FARP1: variants seen among roughly 807,000 people sequenced by gnomAD.
FARP1 encodes the protein FERM, ARHGEF and pleckstrin domain-containing protein 1.
A neutral mutation model predicts 128.8 loss-of-function variants in FARP1; 52 were observed. The ratio of observed to expected loss-of-function variants is 0.40; its 90% CI spans 0.32 to 0.51. The LOEUF is 0.51. Ranked by LOEUF, FARP1 falls within the 20% of genes least tolerant of loss-of-function variation. FARP1 has a pLI of 0.45. For synonymous variants in FARP1, 580 were observed against 551.8 expected, an observed-to-expected ratio of 1.05 and a Z score of -0.72; for missense variants, 1,333 against 1,367.9, an observed-to-expected ratio of 0.97 and a Z score of 0.40.
At chr13:98,145,549 C>T (rs541326774) in intron 1 of FARP1, among the ~76,000 whole-genome samples, 1 of 132,088 alleles carries the variant, frequency 7.6e-6, no homozygotes, top group African/African-American at 2.5e-5. Flanking sequence ...CCTGGAGGAA[C>T]GTTTTTGTTT....
rs561855491 is a variant in FARP1, at chr13:98,395,369, G to T, written c.1307G>T (p.Gly436Val). 5.6e-6 allele frequency: 9 copies of T among 1,611,812 alleles called. No homozygotes were observed. In the Admixed American group the frequency reaches 1.5e-4, roughly 27 times the overall value. ...CCTGCGCCGAGGAGAAGCCCCGCGG[G>T]TAACAAGCAGGCGGACGGAGCCGCC... ...PSPAPRRSPA[G>V]NKQADGAASA... Residue 436 changes from glycine (G) to valine (V), a missense_variant, in exon 13 of 27, where the codon GGT becomes GTT. Transcript: ENST00000319562.
intron 1 of FARP1, among the ~76,000 whole-genome samples, chr13:98,159,027 C>A (rs1876683694): frequency 6.6e-6 from 1 of 152,148 alleles, no homozygotes; most frequent in African/African-American, 2.4e-5. Context: ...AGTCTATCTT[C>A]AAGGTAGAGA....
chr13:98,155,366 A>T (rs892758299), intron 1 of FARP1, among the ~76,000 whole-genome samples: 1 of 132,974 alleles, frequency 7.5e-6, no homozygotes, highest in Admixed American at 7.8e-5. Context: ...AAAAAAAAAA[A>T]AGTCAACTGG....
chr13:98,221,607 C>T (rs1462816474), intron 2 of FARP1, among the ~76,000 whole-genome samples: 1 of 152,214 alleles, frequency 6.6e-6, no homozygotes, highest in Non-Finnish European at 1.5e-5. Flanking sequence ...GTTTAATCAA[C>T]TTGAAAATTG....
intron 2 of FARP1, among the ~76,000 whole-genome samples, chr13:98,310,010 C>G (rs939888561): frequency 6.6e-6 from 1 of 150,476 alleles, no homozygotes; most frequent in African/African-American, 2.4e-5. Context: ...CTGGTTTTTA[C>G]GCCGATGGGA....
chr13:98,316,132 C>T (rs1886708549), intron 2 of FARP1, among the ~76,000 whole-genome samples: 1 of 152,172 alleles, frequency 6.6e-6, no homozygotes, highest in African/African-American at 2.4e-5. Flanking sequence ...AGGCTGCTCT[C>T]ATTCAGTGTG....
intron 2 of FARP1, among the ~76,000 whole-genome samples, chr13:98,255,275 G>A (rs1249389824): frequency 5.3e-5 from 8 of 152,222 alleles, no homozygotes; most frequent in Non-Finnish European, 8.8e-5. Flanking sequence ...GGAGGCGGGC[G>A]GATCACAAGG....
At chr13:98,223,459 G>A (rs1055013552) in intron 2 of FARP1, among the ~76,000 whole-genome samples, 6 of 152,238 alleles carry the variant, frequency 3.9e-5, no homozygotes, top group Middle Eastern at 3.4e-3. Context: ...CCGACAGCTG[G>A]GACTACGGGC....
chr13:98,218,483 AT>A (rs1881224847), intron 2 of FARP1, among the ~76,000 whole-genome samples: 1 of 152,250 alleles, frequency 6.6e-6, no homozygotes, highest in South Asian at 2.1e-4. Flanking sequence ...TCCTTGACAA[AT>A]TAACTTTTTG....
intron 2 of FARP1, among the ~76,000 whole-genome samples, chr13:98,264,925 C>CA (rs1884033536): frequency 6.6e-6 from 1 of 152,172 alleles, no homozygotes. Flanking sequence ...AAGTCCACGC[C>CA]ACCTCTGTAC....
At chr13:98,374,614 C>CT (rs1488764998) in intron 5 of FARP1, among the ~76,000 whole-genome samples, 6 of 152,178 alleles carry the variant, frequency 3.9e-5, no homozygotes, top group Admixed American at 3.9e-4. Flanking sequence ...TGCCTGCTAG[C>CT]TTTCTTGTGG....
Position 98,450,185 on chromosome 13 carries a change from CA to C in FARP1, c.*1869del, listed in dbSNP as rs1893119520. 6.6e-6 allele frequency: 1 copy of C among 151,912 alleles called. No individual in the cohort carries two copies. The allele number at this position is 151,912 out of a possible 1,614,324, so 9.4% of individuals were successfully genotyped here. Reference sequence around the variant, plus strand: ...TTTGAGACACACTACACATGAGACACACAATGATGCAGATACTCGTTTTCTT... The same window carrying C: ...TTTGAGACACACTACACATGAGACACCAATGATGCAGATACTCGTTTTCTT... On this transcript the variant is annotated 3_prime_UTR_variant, in exon 27 of 27. Transcript: ENST00000319562.
In FARP1 at chr13:98,431,160, T is replaced by C. The variant is rs1566314187; in HGVS notation, c.2023T>C (p.Tyr675His). The C allele has an allele frequency of 6.2e-7, 1 of 1,613,898 alleles. No individual in the cohort carries two copies. The highest frequency in any genetic ancestry group is 2.2e-5 in the East Asian group (1 of 44,866). Residue 675 changes from tyrosine to histidine, a missense_variant, in exon 18 of 27, where the codon TAC becomes CAC. By Grantham distance (83) the Tyr-to-His change is moderately conservative. Transcript: ENST00000319562. ...AGACTTTGAGCTGCAGAAGGTGTGTTACCTACCGCTCAACACCTTCCTCCT... is the reference window on the plus strand; with the variant it reads ...AGACTTTGAGCTGCAGAAGGTGTGTCACCTACCGCTCAACACCTTCCTCCT... The part of the protein sequence containing the change: ...CRDFELQKVC[Y>H]LPLNTFLLRP...
intron 11 of FARP1, 117 bp downstream of exon 11, chr13:98,390,997 T>A: frequency 2.7e-6 from 2 of 728,298 alleles, no homozygotes; most frequent in Non-Finnish European, 2.4e-6. Flanking sequence ...CCTTGAGTTG[T>A]AAATGATAGT....
chr13:98,335,521 A>C (rs375423070), intron 2 of FARP1, among the ~76,000 whole-genome samples: 1 of 152,192 alleles, frequency 6.6e-6, no homozygotes, highest in Non-Finnish European at 1.5e-5. Flanking sequence ...GGAATCTACA[A>C]TTCAAGATGA....
At chr13:98,393,781 G>C in intron 12 of FARP1, 63 bp downstream of exon 12, 1 of 1,270,096 alleles carries the variant, frequency 7.9e-7, no homozygotes, top group South Asian at 1.2e-5. Context: ...ACGGAGCCCT[G>C]GGCTTCAGAG....
At chr13:98,379,031 TAATATATAC>T (rs1889742706) in intron 6 of FARP1, among the ~76,000 whole-genome samples, 2 of 82,504 alleles carry the variant, frequency 2.4e-5, no homozygotes, top group African/African-American at 1.9e-4. Context: ...ATAATATATA[TAATATATAC>T]AATATGTAAT....
chr13:98,289,641 T>C (rs1018229647), intron 2 of FARP1, among the ~76,000 whole-genome samples: 3 of 152,166 alleles, frequency 2.0e-5, no homozygotes, highest in African/African-American at 7.2e-5. Context: ...ACTGTCTCGA[T>C]ACACAGATGC....
intron 3 of FARP1, among the ~76,000 whole-genome samples, chr13:98,346,063 T>C (rs1273432111): frequency 6.6e-6 from 1 of 152,068 alleles, no homozygotes; most frequent in Non-Finnish European, 1.5e-5. Context: ...AGCAAAGAAA[T>C]GGGATTGAAG....
Sources: gnomAD v4.1 joint callset for allele counts (sites outside exome capture counted in the v4.1 genomes callset) on GRCh38, gnomAD v4.1.1 for gene constraint, MANE v1.5 for transcripts, NCBI Gene and HGNC (gene_info 2026-07-23, HGNC 2026-07-21) for gene names.